Variants in PTBP3 observed in about 807,000 individuals in gnomAD.
PTBP3 encodes the protein polypyrimidine tract-binding protein 3.
A neutral mutation model predicts 58.7 loss-of-function variants in PTBP3; 20 were observed. That is an observed-to-expected ratio of 0.34 (90% CI 0.24 to 0.50). PTBP3 has a LOEUF of 0.50. Among genes scored for constraint, PTBP3 ranks in the 20% least tolerant of loss-of-function variants. The pLI, the probability that PTBP3 is intolerant of heterozygous loss-of-function variation, is 0.98. For missense variants in PTBP3, 509 were observed against 637.2 expected (o/e 0.80, Z 2.17); for synonymous variants, 185 against 219.8 (o/e 0.84, Z 1.40).
intron 1 of PTBP3, among the ~76,000 whole-genome samples, chr9:112,328,609 G>C (rs1830246574): frequency 6.6e-6 from 1 of 152,170 alleles, no homozygotes; most frequent in South Asian, 2.1e-4. Flanking sequence ...CCAAGAGTTT[G>C]AGACCAGCCT....
intron 5 of PTBP3, among the ~76,000 whole-genome samples, chr9:112,256,271 A>C (rs55650710): frequency 1.8e-5 from 1 of 54,704 alleles, no homozygotes; most frequent in South Asian, 8.1e-4. Flanking sequence ...AAAAAAAACA[A>C]AATATATATA....
Position 112,303,942 on chromosome 9 carries a change from G to A in PTBP3, c.-51-6026C>T, listed in dbSNP as rs1001716829. Among the ~76,000 whole-genome samples, 5 of 151,032 alleles carry A rather than the reference G, an allele frequency of 3.3e-5. No homozygotes were observed. In the East Asian group the frequency reaches 5.8e-4, roughly 18 times the overall value. On this transcript the variant is annotated intron_variant, in intron 1 of 13. Transcript: ENST00000374257. ...AGCACTTTGGGAGGCCAAGGCAGGCGGATCACTTGAGGTCGGGAGTTCAAG... is the reference window on the plus strand; with the variant it reads ...AGCACTTTGGGAGGCCAAGGCAGGCAGATCACTTGAGGTCGGGAGTTCAAG...
chr9:112,343,748 G>T, the PTBP3 span, among the ~76,000 whole-genome samples: 1 of 150,302 alleles, frequency 6.7e-6, no homozygotes, highest in Non-Finnish European at 1.5e-5. Context: ...CTGAGACCAG[G>T]CCATTGCACC....
At chr9:112,335,187 T>C (rs990752200), upstream of PTBP3, among the ~76,000 whole-genome samples, 3 of 152,190 alleles carry the variant, frequency 2.0e-5, no homozygotes, top group Non-Finnish European at 2.9e-5. Context: ...ATCATTAATA[T>C]TTTTCTTCCC....
Position 112,222,491 on chromosome 9 carries a change from A to G in PTBP3, c.*1360T>C. The G allele has an allele frequency of 1.0e-6, 1 of 985,600 alleles. No individual in the cohort carries two copies. The highest frequency in any genetic ancestry group is 1.2e-6 in the Non-Finnish European group (1 of 829,922). 61.1% of individuals were successfully genotyped at this position (985,600 alleles called of 1,614,324 possible). A position where few individuals can be genotyped will look rare whatever the true frequency, so the allele number is the denominator to read the frequency against. Reference sequence around the variant, plus strand: ...GATGGGTGAAAAAGATGAAACTGAGATTGCACTCTACAGCCCCAAATTGAT... The same window carrying G: ...GATGGGTGAAAAAGATGAAACTGAGGTTGCACTCTACAGCCCCAAATTGAT... On this transcript the variant is annotated 3_prime_UTR_variant, in exon 14 of 14. Coordinates refer to ENST00000374257, the MANE Select transcript of PTBP3 (RefSeq NM_001163788.4).
intron 1 of PTBP3, among the ~76,000 whole-genome samples, chr9:112,305,702 A>C (rs185302232): frequency 2.0e-5 from 3 of 152,080 alleles, no homozygotes; most frequent in Non-Finnish European, 4.4e-5. Context: ...GCACTTTGGG[A>C]GGCCGAGGGG....
chr9:112,223,035 T>A lies in PTBP3; in HGVS notation c.*816A>T. 1.2e-6 allele frequency: 1 copy of A among 854,436 alleles called. No individual in the cohort carries two copies. The highest frequency in any genetic ancestry group is 1.4e-6 in the Non-Finnish European group (1 of 710,436). The allele number at this position is 854,436 out of a possible 1,614,324, so 52.9% of individuals were successfully genotyped here. On this transcript the variant is annotated 3_prime_UTR_variant, in exon 14 of 14. Coordinates refer to ENST00000374257, the MANE Select transcript of PTBP3 (RefSeq NM_001163788.4). ...TAAGTAGGATTATTTTTCTTTAAAATTTTCCAAGATCATATTACTTGACAA... is the reference window on the plus strand; with the variant it reads ...TAAGTAGGATTATTTTTCTTTAAAAATTTCCAAGATCATATTACTTGACAA...
intron 5 of PTBP3, among the ~76,000 whole-genome samples, chr9:112,258,129 C>T (rs1836450273): frequency 6.6e-6 from 1 of 152,028 alleles, no homozygotes; most frequent in South Asian, 2.1e-4. Flanking sequence ...AGTTATTTAT[C>T]TTTATTACAA....
At chr9:112,338,840 G>T in the PTBP3 span, among the ~76,000 whole-genome samples, 1 of 152,180 alleles carries the variant, frequency 6.6e-6, no homozygotes, top group East Asian at 1.9e-4. Context: ...ATCTCCACAT[G>T]AAGTTCTTAA....
At chr9:112,350,947 C>T in the PTBP3 span, among the ~76,000 whole-genome samples, 4 of 152,044 alleles carry the variant, frequency 2.6e-5, no homozygotes, top group South Asian at 8.3e-4. Context: ...TACAGGCACC[C>T]GCCACCACGC....
At chr9:112,288,495 G>A (rs753441249) in intron 2 of PTBP3, among the ~76,000 whole-genome samples, 1 of 152,052 alleles carries the variant, frequency 6.6e-6, no homozygotes, top group Non-Finnish European at 1.5e-5. Context: ...CAGCAATTGT[G>A]CCATGTCTGC....
At chr9:112,331,498 T>C (rs569967821) in intron 1 of PTBP3, among the ~76,000 whole-genome samples, 1 of 152,370 alleles carries the variant, frequency 6.6e-6, no homozygotes, top group East Asian at 1.9e-4. Context: ...CTCTAGATGA[T>C]GTAAACTGTT....
chr9:112,302,582 C>CTTTTTTTTTTTTTTTTTTTTTTTT (rs369208342), intron 1 of PTBP3, among the ~76,000 whole-genome samples: 17 of 110,500 alleles, frequency 1.5e-4, no homozygotes, highest in African/African-American at 5.1e-4. Flanking sequence ...TATTCTTCAT[C>CTTTTTTTTTTTTTTTTTTTTTTTT]TTTTTTTTTT....
chr9:112,248,392 T>TG (rs1835969589), intron 7 of PTBP3, among the ~76,000 whole-genome samples: 1 of 151,974 alleles, frequency 6.6e-6, no homozygotes, highest in Admixed American at 6.6e-5. Flanking sequence ...TGCACAGGGA[T>TG]GGGGGCGAGA....
chr9:112,302,828 G>C (rs1405430250), intron 1 of PTBP3, among the ~76,000 whole-genome samples: 2 of 152,062 alleles, frequency 1.3e-5, no homozygotes, highest in South Asian at 2.1e-4. Flanking sequence ...GACCTCAAGT[G>C]ATCTGCCCAC....
chr9:112,360,408 A>G, the PTBP3 span, among the ~76,000 whole-genome samples: 1 of 151,708 alleles, frequency 6.6e-6, no homozygotes, highest in Admixed American at 6.6e-5. Flanking sequence ...CTGGTCTCAT[A>G]CTCCTGGGCT....
At chr9:112,283,484 A>T (rs552776891) in intron 2 of PTBP3, among the ~76,000 whole-genome samples, 2 of 152,306 alleles carry the variant, frequency 1.3e-5, no homozygotes, top group African/African-American at 4.8e-5. Context: ...CATGCTAGAG[A>T]TCTGTGGAAC....
At chr9:112,378,620 A>C in the PTBP3 span, among the ~76,000 whole-genome samples, 1 of 152,234 alleles carries the variant, frequency 6.6e-6, no homozygotes, top group East Asian at 1.9e-4. Context: ...AGTTATTTTC[A>C]TCTAACAGTC....
chr9:112,320,315 T>TATATATATATATATATA (rs60292377), intron 1 of PTBP3, among the ~76,000 whole-genome samples: 45 of 27,046 alleles, frequency 1.7e-3, no homozygotes, highest in African/African-American at 5.0e-3. Context: ...TATATATATA[T>TATATATATATATATATA]TTTTTTTTAA....
Sources: gnomAD v4.1 joint callset for allele counts (sites outside exome capture counted in the v4.1 genomes callset) on GRCh38, gnomAD v4.1.1 for gene constraint, MANE v1.5 for transcripts, NCBI Gene and HGNC (gene_info 2026-07-23, HGNC 2026-07-21) for gene names.